The following ASAH2 variants were observed in gnomAD, a reference collection of about 807,000 sequenced individuals.
ASAH2 encodes the protein N-acylsphingosine amidohydrolase 2.
In ASAH2, 58 loss-of-function variants were observed where a neutral mutation model predicts 82.9. The observed-to-expected ratio is 0.70, with a 90% CI of 0.57 to 0.87. The LOEUF (loss-of-function observed/expected upper bound fraction) is 0.87, where lower values mean the gene tolerates loss of function less well. Among genes scored for constraint, ASAH2 ranks in the 40% least tolerant of loss-of-function variants. ASAH2 has a pLI of 0.00. For missense variants in ASAH2, 779 were observed against 834.0 expected, an observed-to-expected ratio of 0.93 and a Z score of 0.81; for synonymous variants, 276 against 289.7, an observed-to-expected ratio of 0.95 and a Z score of 0.48.
chr10:50,202,790 G>T, intron 16 of ASAH2, 39 bp downstream of exon 16: 1 of 1,288,170 alleles, frequency 7.8e-7, no homozygotes. Context: ...TCTTTACTGG[G>T]GTATAATTCA....
chr10:50,199,441 T>C (rs1416082804), intron 16 of ASAH2, among the ~76,000 whole-genome samples: 33 of 151,804 alleles, frequency 2.2e-4, no homozygotes, highest in Admixed American at 6.6e-5. Context: ...CTATTATAAG[T>C]ACTTGTAATA....
intron 4 of ASAH2, among the ~76,000 whole-genome samples, chr10:50,238,252 T>C (rs968904220): frequency 6.6e-6 from 1 of 152,118 alleles, no homozygotes; most frequent in African/African-American, 2.4e-5. Context: ...GCAGCTTCTA[T>C]GCTATGTACT....
At chr10:50,201,396 A>G (rs1002041944) in intron 16 of ASAH2, among the ~76,000 whole-genome samples, 1 of 152,028 alleles carries the variant, frequency 6.6e-6, no homozygotes, top group Non-Finnish European at 1.5e-5. Flanking sequence ...AGTAGCAGGC[A>G]CCCATACCTA....
chr10:50,235,905 C>T lies in ASAH2; in HGVS notation c.670G>A (p.Val224Ile). The change falls in exon 5 of 21, where the codon GTC becomes ATC. Residue 224 changes from valine (V) to isoleucine (I), a missense_variant. This residue lies in a region of ASAH2 where 759 missense variants were observed against 755.2 expected (regional missense o/e 1.00). Transcript: ENST00000682911. ...GFSNQTFQHM[V>I]TGILKSIDIA... ...TTGCCTACCTTCAAGATACCAGTGA[C>T]CATGTGCTGAAAAGTTTGATTGCTA... 1 of 1,613,244 alleles carries T rather than the reference C, an allele frequency of 6.2e-7. No individual in the cohort carries two copies. Among genetic ancestry groups the T allele is most frequent in the Non-Finnish European group, 8.5e-7 (1 of 1,179,374 alleles).
rs142760278 is a variant in ASAH2, at chr10:50,245,277, T to A, written c.305A>T (p.Tyr102Phe). 6.2e-7 allele frequency: 1 copy of A among 1,614,160 alleles called. No individual in the cohort carries two copies. Among genetic ancestry groups the A allele is most frequent in the Non-Finnish European group, 8.5e-7 (1 of 1,180,000 alleles). Residue 102 changes from tyrosine to phenylalanine, a missense_variant, in exon 3 of 21, where the codon TAC (tyrosine) becomes TTC (phenylalanine). Transcript: ENST00000682911. ...ESPLFQNFSG[Y>F]HIGVGRADCT... ...GTCAGCTCGTCCAACACCAATATGG[T>A]AGCCACTGAAGTTCTGAAATAGAGG...
intron 7 of ASAH2, 116 bp from the exon 8 acceptor site, chr10:50,218,746 C>T: frequency 8.8e-7 from 1 of 1,133,308 alleles, no homozygotes; most frequent in South Asian, 1.3e-5. Context: ...AAATAATAGA[C>T]ATTCTACATC....
chr10:50,248,362 C>T lies in ASAH2; in HGVS notation c.127+122G>A, dbSNP rs762780479. The T allele has an allele frequency of 1.5e-5, 18 of 1,234,722 alleles. 1 individual carries two copies. Among genetic ancestry groups the T allele is most frequent in the Non-Finnish European group, 1.9e-5 (17 of 889,218 alleles). 76.5% of individuals were successfully genotyped at this position (1,234,722 alleles called of 1,614,324 possible). On this transcript the variant is annotated intron_variant, in intron 2 of 20. Coordinates refer to ENST00000682911, the MANE Select transcript of ASAH2 (RefSeq NM_019893.4). Reference sequence around the variant, plus strand: ...ATTAATGCAAAGGGAGACGGCTATTCCAGGCTGCTTAAGTACACGTAGAAC... The same window carrying T: ...ATTAATGCAAAGGGAGACGGCTATTTCAGGCTGCTTAAGTACACGTAGAAC...
intron 18 of ASAH2, 134 bp downstream of exon 18, chr10:50,196,637 CAG>C (rs1844990967): frequency 1.5e-6 from 1 of 656,140 alleles, no homozygotes; most frequent in African/African-American, 2.0e-5. Context: ...ATTACTTTTG[CAG>C]AGATAAGAAC....
intron 4 of ASAH2, among the ~76,000 whole-genome samples, chr10:50,237,013 A>G (rs1846178524): frequency 6.6e-6 from 1 of 152,184 alleles, no homozygotes; most frequent in Non-Finnish European, 1.5e-5. Flanking sequence ...TTGTTGCATA[A>G]GGAAAAAGAA....
intron 16 of ASAH2, among the ~76,000 whole-genome samples, chr10:50,199,738 T>C (rs1162847120): frequency 2.0e-5 from 3 of 150,866 alleles, no homozygotes; most frequent in Non-Finnish European, 2.9e-5. Flanking sequence ...CAGTCTCCCA[T>C]GTGAGGATCA....
At chr10:50,231,597 T>C (rs1298875738) in intron 7 of ASAH2, among the ~76,000 whole-genome samples, 1 of 152,156 alleles carries the variant, frequency 6.6e-6, no homozygotes, top group Non-Finnish European at 1.5e-5. Flanking sequence ...TTATTCATCA[T>C]AACATACCCC....
In ASAH2 at chr10:50,235,904, A is replaced by T. The variant is rs1589352191; in HGVS notation, c.671T>A (p.Val224Asp). Residue 224 changes from valine (V) to aspartate (D), a missense_variant, in exon 5 of 21, where the codon GTC (valine) becomes GAC (aspartate). Coordinates refer to ENST00000682911, the MANE Select transcript of ASAH2 (RefSeq NM_019893.4). ...GFSNQTFQHM[V>D]TGILKSIDIA... ...TTTGCCTACCTTCAAGATACCAGTG[A>T]CCATGTGCTGAAAAGTTTGATTGCT... The T allele has an allele frequency of 9.9e-6, 16 of 1,613,168 alleles. No individual in the cohort carries two copies. The East Asian group carries it at 3.6e-4, about 36-fold the overall frequency.
intron 8 of ASAH2, among the ~76,000 whole-genome samples, chr10:50,217,982 G>A (rs1589337516): frequency 6.6e-6 from 1 of 152,100 alleles, no homozygotes; most frequent in African/African-American, 2.4e-5. Context: ...AAAATTAGCT[G>A]GGCGTGGGGG....
intron 18 of ASAH2, among the ~76,000 whole-genome samples, chr10:50,194,455 T>A (rs1844922543): frequency 6.6e-6 from 1 of 151,494 alleles, no homozygotes; most frequent in African/African-American, 2.4e-5. Flanking sequence ...AAACTTGCAA[T>A]AAGCTAGGCA....
At position 50,249,700 on chromosome 10, in the gene ASAH2, C is replaced by G. The variant is rs191224381; in HGVS notation, c.-36-1054G>C. ...GTACTTCTTTTGTTCAATAAATGCTCAAACTGGTAGCATTTTTTAATAGAT... is the reference window on the plus strand; with the variant it reads ...GTACTTCTTTTGTTCAATAAATGCTGAAACTGGTAGCATTTTTTAATAGAT... On this transcript the variant is annotated intron_variant, in intron 1 of 20. Coordinates refer to ENST00000682911, the MANE Select transcript of ASAH2 (RefSeq NM_019893.4). Among the ~76,000 whole-genome samples, 50 of 152,284 alleles carry G rather than the reference C, an allele frequency of 3.3e-4. 1 individual carries two copies. In the East Asian group the frequency reaches 5.4e-3, roughly 16 times the overall value.
At chr10:50,195,162 C>T (rs1589319051) in intron 18 of ASAH2, among the ~76,000 whole-genome samples, 1 of 150,660 alleles carries the variant, frequency 6.6e-6, no homozygotes, top group Non-Finnish European at 1.5e-5. Flanking sequence ...GAGTTAATAT[C>T]CAAAAGATAT....
intron 1 of ASAH2, among the ~76,000 whole-genome samples, chr10:50,250,948 C>T (rs10508921): frequency 0.1 from 15,355 of 152,146 alleles, 1,014 homozygotes; most frequent in East Asian, 0.34. Flanking sequence ...TCTTTTTGAA[C>T]CACTTTAGCT....
At position 50,245,210 on chromosome 10, in the gene ASAH2, T is replaced by C. The variant is rs779865695; in HGVS notation, c.360+12A>G. The C allele has an allele frequency of 8.8e-6, 14 of 1,598,242 alleles. No homozygotes were observed. The Admixed American group carries it at 1.3e-4, about 15-fold the overall frequency. ...TTTCACAGTCTCCTTAAGGAGCCCATTGTCTACTTGCCAAATTGATATCTG... is the reference window on the plus strand; with the variant it reads ...TTTCACAGTCTCCTTAAGGAGCCCACTGTCTACTTGCCAAATTGATATCTG... On this transcript the variant is annotated intron_variant, in intron 3 of 20. Coordinates refer to ENST00000682911, the MANE Select transcript of ASAH2 (RefSeq NM_019893.4).
intron 7 of ASAH2, among the ~76,000 whole-genome samples, chr10:50,225,381 G>A (rs1845851299): frequency 6.6e-6 from 1 of 152,154 alleles, no homozygotes. Flanking sequence ...TCACGCCACT[G>A]TACTCCAGGC....
Sources: allele counts gnomAD v4.1 joint callset (sites outside exome capture counted in the v4.1 genomes callset), GRCh38; gene constraint gnomAD v4.1.1; regional missense constraint gnomAD v4.1.1; transcripts MANE v1.5; gene names NCBI Gene and HGNC (gene_info 2026-07-23, HGNC 2026-07-21).